Variants in CSMD1 observed in about 807,000 individuals in gnomAD.
The protein encoded by CSMD1 is CUB and sushi domain-containing protein 1.
A neutral mutation model predicts 417.5 loss-of-function variants in CSMD1; 213 were observed. The observed-to-expected ratio is 0.51, with a 90% CI of 0.46 to 0.57. The LOEUF (loss-of-function observed/expected upper bound fraction) is 0.57, where lower values mean the gene tolerates loss of function less well. CSMD1 is among the 20% of genes least tolerant of loss of function. The pLI is 0.00. For synonymous variants in CSMD1, 2,862 were observed against 1,736.8 expected (o/e 1.65, Z -16.11); for missense variants, 6,923 against 4,529.7 (o/e 1.53, Z -15.17).
At chr8:4,634,342 T>A (rs1363825869) in intron 2 of CSMD1, among the ~76,000 whole-genome samples, 1 of 152,344 alleles carries the variant, frequency 6.6e-6, no homozygotes, top group South Asian at 2.1e-4. Flanking sequence ...TATTCTGTTT[T>A]GTCAGCTGGG....
At chr8:3,246,100 T>G (rs1420553757) in intron 26 of CSMD1, among the ~76,000 whole-genome samples, 1 of 152,186 alleles carries the variant, frequency 6.6e-6, no homozygotes, top group Non-Finnish European at 1.5e-5. Flanking sequence ...TAGGAAGATC[T>G]GCTAAGAAGG....
At chr8:4,257,905 A>C (rs532065524) in intron 3 of CSMD1, among the ~76,000 whole-genome samples, 1 of 152,350 alleles carries the variant, frequency 6.6e-6, no homozygotes, top group South Asian at 2.1e-4. Flanking sequence ...CAGGCTAACA[A>C]CAACAACCAC....
At chr8:4,966,499 C>G (rs1809867544) in intron 1 of CSMD1, among the ~76,000 whole-genome samples, 1 of 152,128 alleles carries the variant, frequency 6.6e-6, no homozygotes, top group African/African-American at 2.4e-5. Flanking sequence ...ATCGCGAGGC[C>G]CTTAAGGGGC....
At chr8:3,219,603 T>C (rs1033435441) in intron 28 of CSMD1, among the ~76,000 whole-genome samples, 161 bp from the exon 29 acceptor site, 2 of 152,164 alleles carry the variant, frequency 1.3e-5, no homozygotes, top group Admixed American at 6.5e-5. Context: ...AAAATATTAA[T>C]AAAATAGCAA....
chr8:2,966,311 T>C (rs1803949986), intron 58 of CSMD1, among the ~76,000 whole-genome samples: 1 of 152,096 alleles, frequency 6.6e-6, no homozygotes, highest in African/African-American at 2.4e-5. Flanking sequence ...ACAGACAAAG[T>C]CTGGACTTTT....
intron 3 of CSMD1, among the ~76,000 whole-genome samples, chr8:4,390,305 A>G (rs570595850): frequency 1.9e-4 from 29 of 152,244 alleles, no homozygotes; most frequent in Middle Eastern, 6.8e-3. Context: ...GTTATCTCTT[A>G]TTGAAGTTAA....
intron 2 of CSMD1, among the ~76,000 whole-genome samples, chr8:4,564,449 T>A (rs1399097004): frequency 6.6e-6 from 1 of 152,216 alleles, no homozygotes; most frequent in Non-Finnish European, 1.5e-5. Flanking sequence ...GGATCTAGTG[T>A]CTGGTGAGGG....
chr8:3,975,737 A>G (rs1458701150), intron 5 of CSMD1, among the ~76,000 whole-genome samples: 1 of 152,230 alleles, frequency 6.6e-6, no homozygotes, highest in East Asian at 1.9e-4. Flanking sequence ...AAACTTTAAA[A>G]TAAAACAGAA....
At chr8:4,750,973 G>C (rs770686258) in intron 1 of CSMD1, among the ~76,000 whole-genome samples, 5 of 152,210 alleles carry the variant, frequency 3.3e-5, no homozygotes, top group Admixed American at 6.5e-5. Context: ...GACACTTTAA[G>C]GGAAGGCTTT....
At chr8:4,373,847 T>C (rs1192130957) in intron 3 of CSMD1, among the ~76,000 whole-genome samples, 3 of 152,322 alleles carry the variant, frequency 2.0e-5, no homozygotes, top group East Asian at 3.9e-4. Context: ...AGCTTTTCTA[T>C]GTATATGTAT....
At chr8:3,640,130 C>A (rs1328072116) in intron 7 of CSMD1, among the ~76,000 whole-genome samples, 4 of 152,180 alleles carry the variant, frequency 2.6e-5, no homozygotes, top group African/African-American at 7.2e-5. Flanking sequence ...ACCTGTCCCA[C>A]TTTTTCTTGC....
intron 3 of CSMD1, among the ~76,000 whole-genome samples, chr8:4,226,038 G>A (rs1191136062): frequency 6.6e-6 from 1 of 150,386 alleles, no homozygotes; most frequent in African/African-American, 2.4e-5. Flanking sequence ...ACCTACTCAA[G>A]TAAGCTGGAA....
At chr8:3,854,605 C>G (rs764373636) in intron 5 of CSMD1, among the ~76,000 whole-genome samples, 1 of 151,970 alleles carries the variant, frequency 6.6e-6, no homozygotes, top group South Asian at 2.1e-4. Context: ...CAAGGAGATT[C>G]CTAAATCTGG....
In CSMD1 at chr8:3,018,591, C is replaced by G. The variant is rs781336350; in HGVS notation, c.7915G>C (p.Val2639Leu). ...GTAAATATAGCTGTGGCCCCATAAA[C>G]TGTCAACGTTCCAATCTTGTTGCCA... is the stretch of plus-strand genomic sequence containing the variant. ...PNGNKIGTLT[V>L]YGATAIFTCN... is the part of the protein sequence containing the mutation. Residue 2639 changes from valine (V) to leucine (L), a missense_variant, in exon 52 of 70, where the codon GTT (valine) becomes CTT (leucine). Val to Leu is a conservative substitution (Grantham distance 32). Transcript: ENST00000635120. 1 of 1,613,432 alleles carries G rather than the reference C, an allele frequency of 6.2e-7. No individual in the cohort carries two copies. Among genetic ancestry groups the G allele is most frequent in the South Asian group, 1.1e-5 (1 of 91,026 alleles).
chr8:3,723,703 C>G (rs1027595383), intron 6 of CSMD1, among the ~76,000 whole-genome samples: 1 of 152,096 alleles, frequency 6.6e-6, no homozygotes, highest in Admixed American at 6.6e-5. Flanking sequence ...GATATTAACA[C>G]GTGTGCTTTT....
rs374963576 is a variant in CSMD1, at chr8:4,730,331, G to C, written c.86-92773C>G. Among the ~76,000 whole-genome samples the C allele has an allele frequency of 4.6e-5, 7 of 152,290 alleles. No individual in the cohort carries two copies. In the East Asian group the frequency reaches 1.3e-3, roughly 29 times the overall value. ...GACAAATTCAGTTCAAAGAAATGTT[G>C]CAGGCTATATAGAAAGCCCTTGAAA... On this transcript the variant is annotated intron_variant, in intron 1 of 69. Transcript: ENST00000635120.
intron 12 of CSMD1, among the ~76,000 whole-genome samples, chr8:3,432,667 C>T (rs1814290703): frequency 6.6e-6 from 1 of 152,014 alleles, no homozygotes; most frequent in Non-Finnish European, 1.5e-5. Context: ...AGGCGTGTGC[C>T]ACCACACCCA....
chr8:4,291,480 C>G (rs893661137), intron 3 of CSMD1, among the ~76,000 whole-genome samples: 1 of 152,124 alleles, frequency 6.6e-6, no homozygotes, highest in Non-Finnish European at 1.5e-5. Context: ...TTTTTATCTA[C>G]TAATTCCCAG....
intron 5 of CSMD1, among the ~76,000 whole-genome samples, chr8:3,907,899 A>ATTC (rs1808217171): frequency 6.6e-6 from 1 of 152,124 alleles, no homozygotes; most frequent in East Asian, 1.9e-4. Context: ...TATTTCAGGG[A>ATTC]TTCTTGTCCT....
Sources: allele counts gnomAD v4.1 joint callset (sites outside exome capture counted in the v4.1 genomes callset), GRCh38; gene constraint gnomAD v4.1.1; transcripts MANE v1.5; gene names NCBI Gene and HGNC (gene_info 2026-07-23, HGNC 2026-07-21).